VWC2L: variants seen among roughly 807,000 people sequenced by gnomAD.
The protein encoded by VWC2L is von Willebrand factor C domain containing 2 like, also known as von Willebrand factor C domain-containing protein 2-like.
In VWC2L, 10 loss-of-function variants were observed where a neutral mutation model predicts 21.6. The ratio of observed to expected loss-of-function variants is 0.46; its 90% CI spans 0.29 to 0.78. The LOEUF (loss-of-function observed/expected upper bound fraction) is 0.78. Among genes scored for constraint, VWC2L ranks in the 30% least tolerant of loss-of-function variants. The probability of loss-of-function intolerance (pLI) is 0.10; values close to 1 mark genes in which losing one functional copy is unlikely to be tolerated. For synonymous variants in VWC2L, 96 were observed against 94.3 expected, an observed-to-expected ratio of 1.02 and a Z score of -0.10; for missense variants, 209 against 277.1, an observed-to-expected ratio of 0.75 and a Z score of 1.74.
In VWC2L at chr2:214,577,171, G is replaced by A. The variant is rs1466563559; in HGVS notation, c.*1351G>A. ...CCATGCTCCTGCCCTAAAAACCCTG[G>A]CACAGATCTGATAGGGTCCTTGAAG... On this transcript the variant is annotated 3_prime_UTR_variant, in exon 4 of 4. Transcript: ENST00000312504. 3 of 152,052 alleles carry A rather than the reference G, an allele frequency of 2.0e-5. No individual in the cohort carries two copies. Among genetic ancestry groups the A allele is most frequent in the African/African-American group, 7.2e-5 (3 of 41,416 alleles). 9.4% of individuals were successfully genotyped at this position (152,052 alleles called of 1,614,324 possible).
chr2:214,455,358 T>G (rs1436720978), intron 3 of VWC2L, among the ~76,000 whole-genome samples: 2 of 152,212 alleles, frequency 1.3e-5, no homozygotes, highest in African/African-American at 4.8e-5. Context: ...GTTAATAATA[T>G]TCCCTTAGTA....
At chr2:214,445,856 ACTT>A (rs748482640) in intron 3 of VWC2L, among the ~76,000 whole-genome samples, 16 of 152,202 alleles carry the variant, frequency 1.1e-4, no homozygotes, top group Non-Finnish European at 1.8e-4. Flanking sequence ...TTATACTATG[ACTT>A]CTTATTAAAA....
intron 3 of VWC2L, among the ~76,000 whole-genome samples, chr2:214,518,488 A>G (rs375279900): frequency 2.6e-5 from 4 of 152,194 alleles, no homozygotes; most frequent in East Asian, 1.9e-4. Flanking sequence ...TTAGGGTTCA[A>G]TTGGGGAGAA....
chr2:214,561,578 T>C (rs1689971414), intron 3 of VWC2L, among the ~76,000 whole-genome samples: 2 of 151,868 alleles, frequency 1.3e-5, no homozygotes, highest in Admixed American at 6.6e-5. Flanking sequence ...GAGTTCATGT[T>C]GCCTGAGCAA....
chr2:214,514,390 CA>C (rs1689107567), intron 3 of VWC2L, among the ~76,000 whole-genome samples: 1 of 151,074 alleles, frequency 6.6e-6, no homozygotes, highest in South Asian at 2.1e-4. Context: ...ATTATAATAT[CA>C]GGGCAAATTT....
chr2:214,471,145 A>C (rs542075627), intron 3 of VWC2L, among the ~76,000 whole-genome samples: 1 of 152,120 alleles, frequency 6.6e-6, no homozygotes, highest in African/African-American at 2.4e-5. Flanking sequence ...CATGAGGAAC[A>C]TGACACTATC....
chr2:214,520,136 G>A (rs150181825), intron 3 of VWC2L, among the ~76,000 whole-genome samples: 3,359 of 150,420 alleles, frequency 0.022, 61 homozygotes, highest in Middle Eastern at 0.045. Flanking sequence ...CTCAAAATTT[G>A]AGGGAAAAAA....
chr2:214,565,517 C>T (rs1690049181), intron 3 of VWC2L, among the ~76,000 whole-genome samples: 1 of 152,180 alleles, frequency 6.6e-6, no homozygotes, highest in Non-Finnish European at 1.5e-5. Flanking sequence ...TTCATTCGTC[C>T]TGCTTCTTGC....
chr2:214,569,164 A>T (rs1690111849), intron 3 of VWC2L, among the ~76,000 whole-genome samples: 1 of 152,200 alleles, frequency 6.6e-6, no homozygotes, highest in African/African-American at 2.4e-5. Flanking sequence ...ACCATCACAC[A>T]GTTCCAGGGC....
chr2:214,440,247 A>G (rs1223260482), intron 3 of VWC2L, among the ~76,000 whole-genome samples: 1 of 152,082 alleles, frequency 6.6e-6, no homozygotes. Context: ...GAGGAAAAAG[A>G]TGAGAGTAAT....
chr2:214,495,901 G>T (rs939215079), intron 3 of VWC2L, among the ~76,000 whole-genome samples: 1 of 152,136 alleles, frequency 6.6e-6, no homozygotes. Context: ...CAACAAGTCA[G>T]TTCAGATTTT....
At chr2:214,527,112 C>T (rs1239197173) in intron 3 of VWC2L, among the ~76,000 whole-genome samples, 18 of 152,004 alleles carry the variant, frequency 1.2e-4, no homozygotes, top group African/African-American at 4.1e-4. Flanking sequence ...ATGAATGCAG[C>T]GAAGGCCATT....
chr2:214,472,637 G>C (rs1437269931), intron 3 of VWC2L, among the ~76,000 whole-genome samples: 2 of 152,198 alleles, frequency 1.3e-5, no homozygotes, highest in African/African-American at 4.8e-5. Flanking sequence ...ACAGGTTAAA[G>C]TAGACCTAGA....
Position 214,414,371 on chromosome 2 carries a change from G to A in VWC2L, c.178G>A (p.Val60Ile). 1 of 1,613,704 alleles carries A rather than the reference G, an allele frequency of 6.2e-7. No individual in the cohort carries two copies. Among genetic ancestry groups the A allele is most frequent in the African/African-American group, 1.3e-5 (1 of 75,016 alleles). The change falls in exon 2 of 4, where the codon GTA becomes ATA. Residue 60 changes from valine to isoleucine, a missense_variant. Val to Ile is a conservative substitution (Grantham distance 29). Coordinates refer to ENST00000312504, the MANE Select transcript of VWC2L (RefSeq NM_001080500.4). The stretch of plus-strand genomic sequence containing the variant: ...AGGGTGTGTCGATGACAGCGGCTTT[G>A]TATACAAGTTGGGAGAACGATTTTT... ...GKGCVDDSGF[V>I]YKLGERFFPG...
intron 3 of VWC2L, among the ~76,000 whole-genome samples, chr2:214,547,344 G>A (rs988160004): frequency 6.6e-6 from 1 of 152,198 alleles, no homozygotes; most frequent in African/African-American, 2.4e-5. Flanking sequence ...AGAACAGCCA[G>A]TGTAGAACTA....
At chr2:214,422,524 T>C (rs565964455) in intron 2 of VWC2L, among the ~76,000 whole-genome samples, 1 of 152,328 alleles carries the variant, frequency 6.6e-6, no homozygotes, top group South Asian at 2.1e-4. Context: ...AGTTGTCTTT[T>C]AGGGAAGCGT....
chr2:214,447,631 G>A (rs1702858244), intron 3 of VWC2L, among the ~76,000 whole-genome samples: 2 of 152,112 alleles, frequency 1.3e-5, no homozygotes, highest in Admixed American at 1.3e-4. Flanking sequence ...GCTGTGGTGT[G>A]TTCTTCATCC....
chr2:214,552,836 CTTAAT>C (rs1449930132), intron 3 of VWC2L, among the ~76,000 whole-genome samples: 3 of 152,168 alleles, frequency 2.0e-5, no homozygotes, highest in Admixed American at 6.5e-5. Flanking sequence ...TATTCGACTG[CTTAAT>C]TTAAGCTTTC....
In VWC2L at chr2:214,578,188, G is replaced by A. The variant is rs1690263002; in HGVS notation, c.*2368G>A. On this transcript the variant is annotated 3_prime_UTR_variant, in exon 4 of 4. Coordinates refer to ENST00000312504, the MANE Select transcript of VWC2L (RefSeq NM_001080500.4). ...TGAAACTCAGAAAATATCATTAATA[G>A]AGCCATGCAGCATAGTACCTTATCT... The A allele has an allele frequency of 6.6e-6, 1 of 152,104 alleles. No homozygotes were observed. The highest frequency in any genetic ancestry group is 2.4e-5 in the African/African-American group (1 of 41,424). The allele number at this position is 152,104 out of a possible 1,614,324, so 9.4% of individuals were successfully genotyped here.
Sources: allele counts gnomAD v4.1 joint callset (sites outside exome capture counted in the v4.1 genomes callset), GRCh38; gene constraint gnomAD v4.1.1; transcripts MANE v1.5; gene names NCBI Gene and HGNC (gene_info 2026-07-23, HGNC 2026-07-21).